EFCAB11: variants seen among roughly 807,000 people sequenced by gnomAD.
EFCAB11 encodes EF-hand calcium binding domain 11.
EFCAB11 carries 14 observed loss-of-function variants against 23.0 expected under a neutral mutation model. The ratio of observed to expected loss-of-function variants is 0.61; its 90% CI spans 0.40 to 0.95. The LOEUF (loss-of-function observed/expected upper bound fraction) is 0.95. EFCAB11 is among the 40% of genes least tolerant of loss of function. The pLI, the probability that EFCAB11 is intolerant of heterozygous loss-of-function variation, is 0.00. For synonymous variants in EFCAB11, 65 were observed against 66.6 expected (o/e 0.98, Z 0.11); for missense variants, 198 against 195.8 (o/e 1.01, Z -0.07).
At chr14:89,919,916 TA>T (rs1244708206) in intron 5 of EFCAB11, among the ~76,000 whole-genome samples, 1 of 152,194 alleles carries the variant, frequency 6.6e-6, no homozygotes, top group Non-Finnish European at 1.5e-5. Context: ...CTGGAATTTA[TA>T]AAACACAATG....
intron 5 of EFCAB11, among the ~76,000 whole-genome samples, chr14:89,805,064 T>C (rs943029184): frequency 6.6e-6 from 1 of 152,144 alleles, no homozygotes; most frequent in Non-Finnish European, 1.5e-5. Flanking sequence ...GGATGAACTG[T>C]GAAGGGTAAG....
In EFCAB11 at chr14:89,929,031, A is replaced by ATATATATATATATATATATATTT. The variant is rs533468035; in HGVS notation, c.410+2509_410+2510insAAATATATATATATATATATATA. 8.3e-3 allele frequency among the ~76,000 whole-genome samples: 1,075 copies of ATATATATATATATATATATATTT among 129,514 alleles called. 21 individuals carry two copies. Among genetic ancestry groups the ATATATATATATATATATATATTT allele is most frequent in the African/African-American group, 0.035 (1,036 of 29,944 alleles). The allele number at this position is 129,514 out of a possible 152,430, so 85.0% of individuals were successfully genotyped here. A position where few individuals can be genotyped will look rare whatever the true frequency, so the allele number is the denominator to read the frequency against. On this transcript the variant is annotated intron_variant, in intron 5 of 5. Coordinates refer to ENST00000316738, the MANE Select transcript of EFCAB11 (RefSeq NM_145231.4). ...GAAAGATGGACATATAAATACATAC[A>ATATATATATATATATATATATTT]TATATATATATATACACACACACAT...
At position 89,796,992 on chromosome 14, in the gene EFCAB11, C is replaced by T. The variant is rs1021582246; in HGVS notation, c.*251G>A. 2 of 223,572 alleles carry T rather than the reference C, an allele frequency of 8.9e-6. No individual in the cohort carries two copies. Among genetic ancestry groups the T allele is most frequent in the African/African-American group, 4.5e-5 (2 of 43,996 alleles). 13.8% of individuals were successfully genotyped at this position (223,572 alleles called of 1,614,324 possible). ...ATCTCTAGGATTCTGAGATGCAAGT[C>T]TATCATCAGCATCCAAAAATTATGA... On this transcript the variant is annotated 3_prime_UTR_variant, in exon 6 of 6. Coordinates refer to ENST00000316738, the MANE Select transcript of EFCAB11 (RefSeq NM_145231.4).
At chr14:89,852,138 CTTG>C (rs1186867574) in intron 5 of EFCAB11, among the ~76,000 whole-genome samples, 3 of 152,218 alleles carry the variant, frequency 2.0e-5, no homozygotes, top group Admixed American at 6.5e-5. Context: ...AGAACGCAGT[CTTG>C]TTGTATCATA....
At position 89,819,461 on chromosome 14, in the gene EFCAB11, C is replaced by G. The variant is rs945934075; in HGVS notation, c.411-22137G>C. ...TCCAGGCAAGGTCTCACTTTGTCAC[C>G]TAGGCTGGAGTGCAGTTGCATGGTC... is the stretch of plus-strand genomic sequence containing the variant. On this transcript the variant is annotated intron_variant, in intron 5 of 5. Transcript: ENST00000316738. Among the ~76,000 whole-genome samples, 7 of 69,486 alleles carry G rather than the reference C, an allele frequency of 1.0e-4. No individual in the cohort carries two copies. The East Asian group carries it at 7.4e-3, about 74-fold the overall frequency. The allele number at this position is 69,486 out of a possible 152,430, so 45.6% of individuals were successfully genotyped here. A position where few individuals can be genotyped will look rare whatever the true frequency, so the allele number is the denominator to read the frequency against.
intron 2 of EFCAB11, among the ~76,000 whole-genome samples, chr14:89,951,927 CAAAT>C (rs780168095): frequency 2.0e-5 from 3 of 151,934 alleles, no homozygotes; most frequent in Non-Finnish European, 4.4e-5. Context: ...TGCATCTCAA[CAAAT>C]AAATAAACTT....
chr14:89,825,585 G>T (rs2140107043), intron 5 of EFCAB11, among the ~76,000 whole-genome samples: 1 of 152,294 alleles, frequency 6.6e-6, no homozygotes, highest in Non-Finnish European at 1.5e-5. Flanking sequence ...GAGCTAGACT[G>T]ATGGGGGAGG....
At chr14:89,892,375 G>A in intron 5 of EFCAB11, 1 of 1,608,260 alleles carries the variant, frequency 6.2e-7, no homozygotes, top group Non-Finnish European at 8.5e-7. Context: ...GGGGTGTCCG[G>A]CTCATCCACA....
intron 5 of EFCAB11, among the ~76,000 whole-genome samples, chr14:89,900,640 T>C (rs939113556): frequency 1.1e-4 from 17 of 152,172 alleles, no homozygotes; most frequent in African/African-American, 4.1e-4. Context: ...AGATAGATAC[T>C]AAATGTGGTA....
intron 1 of EFCAB11, chr14:89,954,292 G>T (rs544329898): frequency 1.3e-6 from 2 of 1,487,222 alleles, no homozygotes; most frequent in Non-Finnish European, 1.8e-6. Flanking sequence ...CAGTCCTGGA[G>T]TTAGGAAGGT....
intron 5 of EFCAB11, among the ~76,000 whole-genome samples, chr14:89,897,804 A>G (rs1321809936): frequency 6.6e-6 from 1 of 152,238 alleles, no homozygotes; most frequent in East Asian, 1.9e-4. Context: ...CAAACTTAAT[A>G]TGCCATTTTG....
intron 5 of EFCAB11, among the ~76,000 whole-genome samples, chr14:89,855,911 C>A (rs1887737169): frequency 6.6e-6 from 1 of 152,128 alleles, no homozygotes; most frequent in African/African-American, 2.4e-5. Flanking sequence ...GTTTATGTCA[C>A]CTGGTATAAA....
At chr14:89,813,748 G>GA (rs1262039001) in intron 5 of EFCAB11, among the ~76,000 whole-genome samples, 4 of 152,078 alleles carry the variant, frequency 2.6e-5, no homozygotes, top group South Asian at 2.1e-4. Flanking sequence ...ATAGCTGAGG[G>GA]AAAATTCATG....
intron 5 of EFCAB11, among the ~76,000 whole-genome samples, chr14:89,825,401 G>T (rs1314517770): frequency 6.6e-6 from 1 of 151,906 alleles, no homozygotes; most frequent in East Asian, 1.9e-4. Flanking sequence ...TAAAATCAAT[G>T]ATCAAAACAT....
chr14:89,939,637 T>C (rs907827327), intron 3 of EFCAB11, among the ~76,000 whole-genome samples: 9 of 152,250 alleles, frequency 5.9e-5, no homozygotes, highest in Admixed American at 1.3e-4. Flanking sequence ...TAGGGGGCAG[T>C]GCTGCCCTCC....
At chr14:89,819,202 T>A (rs1035048641) in intron 5 of EFCAB11, among the ~76,000 whole-genome samples, 1 of 152,180 alleles carries the variant, frequency 6.6e-6, no homozygotes, top group Non-Finnish European at 1.5e-5. Context: ...TGGTATCCCA[T>A]GGATAAATCT....
intron 5 of EFCAB11, among the ~76,000 whole-genome samples, chr14:89,866,418 T>C (rs929341908): frequency 1.3e-5 from 2 of 152,234 alleles, no homozygotes; most frequent in Non-Finnish European, 1.5e-5. Context: ...TCAGGTTCTA[T>C]CCTCAAAACG....
chr14:89,910,397 A>C (rs1889640154), intron 5 of EFCAB11, among the ~76,000 whole-genome samples: 1 of 152,306 alleles, frequency 6.6e-6, no homozygotes, highest in African/African-American at 2.4e-5. Flanking sequence ...CAGGAGTTCG[A>C]GACCAGCCTG....
At chr14:89,913,896 A>T (rs1889755569) in intron 5 of EFCAB11, among the ~76,000 whole-genome samples, 1 of 152,230 alleles carries the variant, frequency 6.6e-6, no homozygotes, top group Admixed American at 6.5e-5. Context: ...AGCAGAAAGC[A>T]TCCTGCTCCT....
Sources: gnomAD v4.1 joint callset for allele counts (sites outside exome capture counted in the v4.1 genomes callset) on GRCh38, gnomAD v4.1.1 for gene constraint, MANE v1.5 for transcripts, NCBI Gene and HGNC (gene_info 2026-07-23, HGNC 2026-07-21) for gene names.